UBE2E2: variants seen among roughly 807,000 people sequenced by gnomAD.
UBE2E2 encodes the protein ubiquitin conjugating enzyme E2 E2.
In UBE2E2, 6 loss-of-function variants were observed where a neutral mutation model predicts 24.7. That is an observed-to-expected ratio of 0.24 (90% CI 0.13 to 0.48). The LOEUF (loss-of-function observed/expected upper bound fraction) is 0.48, where lower values mean the gene tolerates loss of function less well. Ranked by LOEUF, UBE2E2 falls within the 20% of genes least tolerant of loss-of-function variation. UBE2E2 has a pLI of 0.99. For missense variants in UBE2E2, 169 were observed against 245.0 expected (o/e 0.69, Z 2.07); for synonymous variants, 104 against 83.6 (o/e 1.24, Z -1.33).
At chr3:23,514,942 T>C (rs1465966668) in intron 4 of UBE2E2, among the ~76,000 whole-genome samples, 1 of 152,204 alleles carries the variant, frequency 6.6e-6, no homozygotes, top group Admixed American at 6.5e-5. Flanking sequence ...CAAAATCTGC[T>C]CTTAGGTTTA....
At chr3:23,579,818 G>C (rs1046377925) in intron 5 of UBE2E2, among the ~76,000 whole-genome samples, 8 of 152,194 alleles carry the variant, frequency 5.3e-5, no homozygotes, top group East Asian at 1.9e-4. Flanking sequence ...TCACCATTCT[G>C]TGTGCCATTA....
chr3:23,526,889 T>C (rs998178045), intron 4 of UBE2E2, among the ~76,000 whole-genome samples: 9 of 152,216 alleles, frequency 5.9e-5, no homozygotes, highest in Admixed American at 5.9e-4. Context: ...TTCACAGGAT[T>C]CTTTGCAAAC....
chr3:23,495,651 G>A lies in UBE2E2; in HGVS notation c.228-3957G>A, dbSNP rs9882384. On this transcript the variant is annotated intron_variant, in intron 3 of 5. Transcript: ENST00000396703. ...TGATAAGCTTATCTATTCATATTGG[G>A]TTTAATTATAGCTCAGGGCATAACC... 6.6e-3 allele frequency among the ~76,000 whole-genome samples: 1,006 copies of A among 152,184 alleles called. 9 individuals carry two copies. Among genetic ancestry groups the A allele is most frequent in the African/African-American group, 0.023 (946 of 41,522 alleles).
intron 3 of UBE2E2, among the ~76,000 whole-genome samples, chr3:23,307,215 A>G (rs1457270331): frequency 6.6e-6 from 1 of 152,040 alleles, no homozygotes; most frequent in Non-Finnish European, 1.5e-5. Context: ...TTGCAGTTTC[A>G]TAGCTGTCAA....
At chr3:23,373,194 T>C (rs1187939393) in intron 3 of UBE2E2, among the ~76,000 whole-genome samples, 2 of 152,224 alleles carry the variant, frequency 1.3e-5, no homozygotes, top group African/African-American at 4.8e-5. Flanking sequence ...ACTACTCTTA[T>C]GAGTGGTCTT....
intron 3 of UBE2E2, among the ~76,000 whole-genome samples, chr3:23,260,380 A>AT (rs1446306792): frequency 2.6e-5 from 4 of 152,264 alleles, no homozygotes; most frequent in African/African-American, 9.6e-5. Flanking sequence ...AAGACTGTAT[A>AT]TGAAAACCCA....
chr3:23,465,775 C>T (rs1393675974), intron 3 of UBE2E2, among the ~76,000 whole-genome samples: 1 of 152,016 alleles, frequency 6.6e-6, no homozygotes, highest in Non-Finnish European at 1.5e-5. Context: ...AAGAATTAAG[C>T]CATTTTAATT....
chr3:23,364,248 T>C (rs1357570030), intron 3 of UBE2E2, among the ~76,000 whole-genome samples: 1 of 152,006 alleles, frequency 6.6e-6, no homozygotes, highest in Non-Finnish European at 1.5e-5. Context: ...ACCCCAGAGC[T>C]AGCAGAAGAC....
chr3:23,587,633 T>G (rs1391537957), intron 5 of UBE2E2, among the ~76,000 whole-genome samples: 2 of 152,188 alleles, frequency 1.3e-5, no homozygotes, highest in African/African-American at 2.4e-5. Flanking sequence ...GGTAGAGAAA[T>G]GTGACTCAGA....
chr3:23,485,091 C>CTTTTTTT (rs71620781), intron 3 of UBE2E2, among the ~76,000 whole-genome samples: 1 of 107,690 alleles, frequency 9.3e-6, no homozygotes, highest in Non-Finnish European at 1.8e-5. Context: ...TTAACACTAC[C>CTTTTTTT]TTTTTTTTTT....
intron 3 of UBE2E2, among the ~76,000 whole-genome samples, chr3:23,225,998 G>T (rs765371211): frequency 1.3e-5 from 2 of 152,084 alleles, no homozygotes; most frequent in Non-Finnish European, 2.9e-5. Flanking sequence ...TCTTGCCTGA[G>T]CCTTCTGAGT....
chr3:23,239,683 C>G (rs772796513), intron 3 of UBE2E2, among the ~76,000 whole-genome samples: 6 of 152,112 alleles, frequency 3.9e-5, no homozygotes, highest in Non-Finnish European at 5.9e-5. Context: ...GAGATGAGAT[C>G]AGATGAAGTT....
intron 3 of UBE2E2, among the ~76,000 whole-genome samples, chr3:23,460,966 C>G (rs1698794368): frequency 6.6e-6 from 1 of 152,090 alleles, no homozygotes; most frequent in African/African-American, 2.4e-5. Context: ...CTGCAGAAAA[C>G]CAGTAAGGTT....
intron 3 of UBE2E2, among the ~76,000 whole-genome samples, chr3:23,333,794 A>G (rs994563683): frequency 3.9e-5 from 6 of 152,158 alleles, no homozygotes; most frequent in Non-Finnish European, 5.9e-5. Context: ...TATATCTGAT[A>G]TATGTCTGAA....
At chr3:23,292,011 A>T (rs1030305672) in intron 3 of UBE2E2, among the ~76,000 whole-genome samples, 2 of 151,872 alleles carry the variant, frequency 1.3e-5, no homozygotes, top group Non-Finnish European at 2.9e-5. Flanking sequence ...GGCGCCCGCC[A>T]CCGCACCCGG....
chr3:23,337,897 A>G lies in UBE2E2; in HGVS notation c.227+120585A>G, dbSNP rs1695254659. 2.0e-5 allele frequency among the ~76,000 whole-genome samples: 3 copies of G among 152,158 alleles called. No individual in the cohort carries two copies. The South Asian group carries it at 6.2e-4, about 31-fold the overall frequency. Reference sequence around the variant, plus strand: ...AGTAGAGTGATTAGTTTGTCTATTTAAAGGCTAAGCCCCTGGAGATTGGAG... The same window carrying G: ...AGTAGAGTGATTAGTTTGTCTATTTGAAGGCTAAGCCCCTGGAGATTGGAG... On this transcript the variant is annotated intron_variant, in intron 3 of 5. Transcript: ENST00000396703.
intron 3 of UBE2E2, among the ~76,000 whole-genome samples, chr3:23,443,534 G>A (rs1023691834): frequency 2.6e-5 from 4 of 152,138 alleles, no homozygotes; most frequent in African/African-American, 9.7e-5. Context: ...TCTCCCATTG[G>A]CCAAAGATTC....
intron 3 of UBE2E2, among the ~76,000 whole-genome samples, chr3:23,435,595 A>T (rs1698160203): frequency 6.6e-6 from 1 of 152,234 alleles, no homozygotes; most frequent in South Asian, 2.1e-4. Flanking sequence ...ACTTGGGAAC[A>T]GAGTAAACAA....
chr3:23,310,324 C>A, intron 3 of UBE2E2, among the ~76,000 whole-genome samples: 1 of 126,702 alleles, frequency 7.9e-6, no homozygotes, highest in African/African-American at 3.0e-5. Context: ...TACAAAAATT[C>A]TGCTAATTTG....
Sources: gnomAD v4.1 joint callset for allele counts (sites outside exome capture counted in the v4.1 genomes callset) on GRCh38, gnomAD v4.1.1 for gene constraint, MANE v1.5 for transcripts, NCBI Gene and HGNC (gene_info 2026-07-23, HGNC 2026-07-21) for gene names.